The following COL25A1 variants were observed in gnomAD, a reference collection of about 807,000 sequenced individuals.
COL25A1 encodes collagen alpha-1(XXV) chain.
Under a neutral mutation model 128.4 loss-of-function variants are expected in COL25A1, and 103 were observed. The observed-to-expected ratio is 0.80, with a 90% confidence interval of 0.68 to 0.94. The LOEUF is 0.94. Ranked by LOEUF, COL25A1 falls within the 40% of genes least tolerant of loss-of-function variation. COL25A1 has a pLI of 0.00. For synonymous variants in COL25A1, 279 were observed against 277.2 expected (o/e 1.01, Z -0.06); for missense variants, 745 against 840.0 (o/e 0.89, Z 1.40).
At chr4:108,886,648 G>T (rs1158917976) in intron 18 of COL25A1, among the ~76,000 whole-genome samples, 1 of 151,988 alleles carries the variant, frequency 6.6e-6, no homozygotes, top group Admixed American at 6.6e-5. Flanking sequence ...CTTCTCTCAA[G>T]AACTCAATTT....
intron 6 of COL25A1, among the ~76,000 whole-genome samples, chr4:108,995,821 C>A (rs978500989): frequency 6.6e-6 from 1 of 152,118 alleles, no homozygotes; most frequent in South Asian, 2.1e-4. Context: ...ATTCAACATT[C>A]TTAAAGAAAA....
intron 20 of COL25A1, among the ~76,000 whole-genome samples, chr4:108,868,783 AAAGGAAGGAAAGGAAGGAAGGAAAG>A (rs1306977241): frequency 2.5e-4 from 37 of 145,894 alleles, no homozygotes; most frequent in African/African-American, 8.6e-4. Context: ...GGGAAGGAAG[AAAGGAAGGAAAGGAAGGAAGGAAAG>A]AAGGAAGGAA....
At chr4:108,861,779 G>C (rs1381791450) in intron 22 of COL25A1, among the ~76,000 whole-genome samples, 1 of 152,070 alleles carries the variant, frequency 6.6e-6, no homozygotes, top group Non-Finnish European at 1.5e-5. Flanking sequence ...AATTGATAGG[G>C]TTCTTTTTCT....
chr4:109,050,379 C>G (rs914291485), intron 3 of COL25A1, among the ~76,000 whole-genome samples, 200 bp from the exon 4 acceptor site: 4 of 152,064 alleles, frequency 2.6e-5, no homozygotes, highest in Non-Finnish European at 4.4e-5. Flanking sequence ...AAAAGCTACT[C>G]TAGATACATG....
chr4:109,008,136 C>T (rs1191451904), intron 6 of COL25A1, among the ~76,000 whole-genome samples: 1 of 152,204 alleles, frequency 6.6e-6, no homozygotes, highest in African/African-American at 2.4e-5. Context: ...TGCTCCAAGA[C>T]AGTGCTAGAA....
intron 3 of COL25A1, among the ~76,000 whole-genome samples, chr4:109,132,795 A>G (rs1220424559): frequency 6.6e-6 from 1 of 152,114 alleles, no homozygotes; most frequent in African/African-American, 2.4e-5. Context: ...TAATAATACA[A>G]TTCTGTAAAC....
chr4:109,218,357 G>GTTTTTTTTTTGTTTGTTTGTTTT (rs1553961829), intron 3 of COL25A1, among the ~76,000 whole-genome samples: 3 of 73,530 alleles, frequency 4.1e-5, no homozygotes, highest in African/African-American at 1.7e-4. Context: ...GTTTTTTGGG[G>GTTTTTTTTTTGTTTGTTTGTTTT]TTTTTTTTTT....
chr4:108,886,471 TGTGTGTGTGTGTGTGTG>T (rs1560806171), intron 18 of COL25A1, among the ~76,000 whole-genome samples: 1 of 125,012 alleles, frequency 8.0e-6, no homozygotes, highest in African/African-American at 2.7e-5. Flanking sequence ...TGTGTGTGTG[TGTGTGTGTGTGTGTGTG>T]TGTGTTTAGC....
chr4:109,241,771 G>C (rs904022139), intron 3 of COL25A1, among the ~76,000 whole-genome samples: 1 of 151,958 alleles, frequency 6.6e-6, no homozygotes, highest in African/African-American at 2.4e-5. Context: ...TTACAACACA[G>C]GAAACATTTA....
chr4:108,922,989 A>G (rs113094787), intron 11 of COL25A1, among the ~76,000 whole-genome samples: 2,388 of 152,282 alleles, frequency 0.016, 24 homozygotes, highest in Non-Finnish European at 0.022. Flanking sequence ...TTAAGGCAGA[A>G]TAAAATATAG....
chr4:109,171,271 G>A (rs1773556696), intron 3 of COL25A1, among the ~76,000 whole-genome samples: 1 of 152,288 alleles, frequency 6.6e-6, no homozygotes, highest in East Asian at 1.9e-4. Context: ...TAAAGATTGA[G>A]TAAAAGAGAC....
chr4:109,235,547 T>TACACACACACACAC (rs58377954), intron 3 of COL25A1, among the ~76,000 whole-genome samples: 7 of 150,032 alleles, frequency 4.7e-5, no homozygotes, highest in African/African-American at 1.5e-4. Flanking sequence ...CACACACGAA[T>TACACACACACACAC]ACACACACAC....
intron 8 of COL25A1, among the ~76,000 whole-genome samples, chr4:108,955,066 C>T (rs377299794): frequency 1.3e-5 from 2 of 151,926 alleles, no homozygotes; most frequent in African/African-American, 4.8e-5. Context: ...TCATTAACTA[C>T]AAGTTTTATG....
chr4:108,891,527 T>C (rs1741503806), intron 16 of COL25A1, among the ~76,000 whole-genome samples: 2 of 152,192 alleles, frequency 1.3e-5, no homozygotes, highest in Admixed American at 1.3e-4. Flanking sequence ...TACAATAATA[T>C]CTTTGAATTC....
chr4:109,232,685 A>C (rs10026578), intron 3 of COL25A1, among the ~76,000 whole-genome samples: 72,074 of 151,930 alleles, frequency 0.47, 17,925 homozygotes, highest in African/African-American at 0.57. Context: ...CCTCTGTGAC[A>C]AATCATGTAA....
chr4:109,198,122 C>T (rs758196974), intron 3 of COL25A1, among the ~76,000 whole-genome samples: 5 of 152,018 alleles, frequency 3.3e-5, no homozygotes, highest in African/African-American at 4.8e-5. Context: ...TATCTTACCC[C>T]GGTCGTCTCA....
chr4:109,190,569 A>G (rs956771580), intron 3 of COL25A1, among the ~76,000 whole-genome samples: 4 of 152,178 alleles, frequency 2.6e-5, no homozygotes, highest in Non-Finnish European at 5.9e-5. Context: ...GAGGTTGTAA[A>G]ATAAGACAGT....
chr4:109,246,394 GA>G (rs1780269952), intron 3 of COL25A1, among the ~76,000 whole-genome samples: 1 of 152,096 alleles, frequency 6.6e-6, no homozygotes, highest in Non-Finnish European at 1.5e-5. Context: ...CTATATCAAT[GA>G]AATTCTGACC....
intron 3 of COL25A1, among the ~76,000 whole-genome samples, chr4:109,239,540 T>C (rs905548524): frequency 6.6e-6 from 1 of 150,928 alleles, no homozygotes; most frequent in Non-Finnish European, 1.5e-5. Context: ...ACAGTAAAAA[T>C]ATAGTATAAA....
Sources: gnomAD v4.1 joint callset for allele counts (sites outside exome capture counted in the v4.1 genomes callset) on GRCh38, gnomAD v4.1.1 for gene constraint, MANE v1.5 for transcripts, NCBI Gene and HGNC (gene_info 2026-07-23, HGNC 2026-07-21) for gene names.